DGKI: variants seen among roughly 807,000 people sequenced by gnomAD.
The protein encoded by DGKI is DAG kinase iota.
DGKI carries 55 observed loss-of-function variants against 147.5 expected under a neutral mutation model. The ratio of observed to expected loss-of-function variants is 0.37; its 90% confidence interval spans 0.30 to 0.47. The LOEUF (loss-of-function observed/expected upper bound fraction) is 0.47, where lower values mean the gene tolerates loss of function less well. Ranked by LOEUF, DGKI falls within the 20% of genes least tolerant of loss-of-function variation. The pLI, the probability that DGKI is intolerant of heterozygous loss-of-function variation, is 1.00. For synonymous variants in DGKI, 469 were observed against 477.1 expected (o/e 0.98, Z 0.22); for missense variants, 1,007 against 1,323.8 (o/e 0.76, Z 3.71).
At chr7:137,792,346 C>G (rs1326204736) in intron 1 of DGKI, among the ~76,000 whole-genome samples, 1 of 152,134 alleles carries the variant, frequency 6.6e-6, no homozygotes, top group Non-Finnish European at 1.5e-5. Flanking sequence ...CAAAATGTGA[C>G]CCTATAATCA....
intron 20 of DGKI, among the ~76,000 whole-genome samples, chr7:137,530,553 G>A (rs1817304472): frequency 6.6e-6 from 1 of 152,134 alleles, no homozygotes; most frequent in Admixed American, 6.6e-5. Flanking sequence ...TCAAGGACAG[G>A]ATGCCCAACT....
intron 1 of DGKI, among the ~76,000 whole-genome samples, chr7:137,705,595 CAA>C (rs918568271): frequency 1.3e-5 from 2 of 151,980 alleles, no homozygotes; most frequent in Non-Finnish European, 1.5e-5. Context: ...GGAAGGCACA[CAA>C]GTTAACTCTC....
chr7:137,823,413 C>T (rs1474842646), intron 1 of DGKI, among the ~76,000 whole-genome samples: 1 of 152,156 alleles, frequency 6.6e-6, no homozygotes, highest in Non-Finnish European at 1.5e-5. Flanking sequence ...TATTCTCAGA[C>T]ATAAAAGGAC....
At chr7:137,817,704 A>G (rs1003593124) in intron 1 of DGKI, among the ~76,000 whole-genome samples, 1 of 152,246 alleles carries the variant, frequency 6.6e-6, no homozygotes, top group African/African-American at 2.4e-5. Context: ...TGGAAAATCA[A>G]TCTGCAGATA....
chr7:137,726,895 G>A (rs146243259), intron 1 of DGKI, among the ~76,000 whole-genome samples: 1 of 152,084 alleles, frequency 6.6e-6, no homozygotes, highest in African/African-American at 2.4e-5. Flanking sequence ...AAACTTTTAT[G>A]ACTTTATGGC....
chr7:137,737,983 C>CTTTACCGTTCTAA (rs1795072504), intron 1 of DGKI, among the ~76,000 whole-genome samples: 1 of 152,132 alleles, frequency 6.6e-6, no homozygotes, highest in Admixed American at 6.5e-5. Context: ...AGGGATAAGA[C>CTTTACCGTTCTAA]AGAAACAGTC....
chr7:137,730,722 A>G (rs1271549838), intron 1 of DGKI, among the ~76,000 whole-genome samples: 1 of 152,050 alleles, frequency 6.6e-6, no homozygotes, highest in African/African-American at 2.4e-5. Flanking sequence ...TCACCCCGCA[A>G]AATGTCCTTG....
chr7:137,467,597 A>T (rs1814708783), intron 24 of DGKI, among the ~76,000 whole-genome samples: 1 of 152,248 alleles, frequency 6.6e-6, no homozygotes, highest in South Asian at 2.1e-4. Flanking sequence ...AAGCCAAAAC[A>T]GCAAAAAAAT....
intron 1 of DGKI, among the ~76,000 whole-genome samples, chr7:137,806,117 G>A (rs781657127): frequency 2.6e-5 from 4 of 152,132 alleles, no homozygotes; most frequent in African/African-American, 7.2e-5. Flanking sequence ...CTTCTTTAGC[G>A]TCTGTTTGGT....
chr7:137,469,596 C>G lies in DGKI; in HGVS notation c.2397G>C (p.Arg799Ser). 6.2e-7 allele frequency: 1 copy of G among 1,613,936 alleles called. No homozygotes were observed. Among genetic ancestry groups the G allele is most frequent in the Non-Finnish European group, 8.5e-7 (1 of 1,179,938 alleles). The stretch of plus-strand genomic sequence containing the variant: ...GAGAGAGCCTCTGTGCTGAGAGAGC[C>G]CTGGGGAAGGAGGTTTCATGGTCCT... ...HYQDHETSFP[R>S]ALSAQRLSPR... The change falls in exon 24 of 33, where the codon AGG (arginine) becomes AGC (serine). Residue 799 changes from arginine (R) to serine (S), a missense_variant. By Grantham distance (110) the Arg-to-Ser change is moderately radical. Around this residue, in one of 5 missense-constraint regions of DGKI, gnomAD observed 385 missense variants for 445.2 expected, o/e 0.86. Coordinates refer to ENST00000614521, the MANE Select transcript of DGKI (RefSeq NM_001321708.2).
At chr7:137,585,076 G>T in intron 14 of DGKI, 133 bp downstream of exon 14, 1 of 1,012,372 alleles carries the variant, frequency 9.9e-7, no homozygotes, top group Non-Finnish European at 1.5e-6. Context: ...AGCCCCAGTA[G>T]CCATCAACTC....
chr7:137,452,599 T>C (rs922464306), intron 27 of DGKI, among the ~76,000 whole-genome samples: 5 of 152,192 alleles, frequency 3.3e-5, no homozygotes, highest in Non-Finnish European at 5.9e-5. Context: ...ATGCCTGTCT[T>C]TCCTCTTTAC....
chr7:137,664,706 C>A (rs773948721), intron 3 of DGKI, among the ~76,000 whole-genome samples: 12 of 152,174 alleles, frequency 7.9e-5, no homozygotes, highest in Non-Finnish European at 1.0e-4. Flanking sequence ...ACAGACAGAA[C>A]CAGGGATTAC....
In DGKI at chr7:137,846,850, C is replaced by T. The variant is rs1186942770; in HGVS notation, c.13G>A (p.Gly5Arg). MDAA[G>R]RGCHLLPLPA... is the part of the protein sequence containing the mutation. ...AGGGGCAGCAAATGGCAGCCCCTTC[C>T]CGCAGCATCCATCCGCGGCTGCACC... Residue 5 changes from glycine to arginine, a missense_variant, in exon 1 of 33, where the codon GGA (glycine) becomes AGA (arginine). Transcript: ENST00000614521. The surrounding 1 kb of genome is among the most constrained non-coding windows in gnomAD (Gnocchi z 4.0). The T allele has an allele frequency of 1.3e-5, 15 of 1,154,570 alleles. No homozygotes were observed. The highest frequency in any genetic ancestry group is 1.6e-5 in the Non-Finnish European group (15 of 937,644). The allele number at this position is 1,154,570 out of a possible 1,614,324, so 71.5% of individuals were successfully genotyped here.
At chr7:137,440,123 G>C (rs1813439575) in intron 28 of DGKI, among the ~76,000 whole-genome samples, 1 of 152,128 alleles carries the variant, frequency 6.6e-6, no homozygotes, top group Non-Finnish European at 1.5e-5. Flanking sequence ...GATGGCTCCA[G>C]GAGCAATTTA....
rs569050863 is a variant in DGKI at position 137,571,951 on chromosome 7, G to A, written c.1836-665C>T. On this transcript the variant is annotated intron_variant, in intron 18 of 32. Transcript: ENST00000614521. ...TAAACAATGCTTTCTGAGAATCAAG[G>A]CCTTCTACTTCAATTAAGCTGTAAA... is the stretch of plus-strand genomic sequence containing the variant. Among the ~76,000 whole-genome samples the A allele has an allele frequency of 2.0e-5, 3 of 152,276 alleles. No individual in the cohort carries two copies. In the East Asian group the frequency reaches 5.8e-4, roughly 29 times the overall value.
At chr7:137,773,081 TGG>T (rs1563191396) in intron 1 of DGKI, among the ~76,000 whole-genome samples, 2 of 152,220 alleles carry the variant, frequency 1.3e-5, no homozygotes, top group Non-Finnish European at 2.9e-5. Flanking sequence ...AAGGGACCCA[TGG>T]GTCAATTACA....
intron 1 of DGKI, among the ~76,000 whole-genome samples, chr7:137,818,601 C>T (rs958607634): frequency 6.6e-6 from 1 of 152,132 alleles, no homozygotes; most frequent in South Asian, 2.1e-4. Context: ...GCCACCATGC[C>T]CGGCTAATTT....
chr7:137,655,243 G>C (rs554259280), intron 4 of DGKI, among the ~76,000 whole-genome samples: 181 of 149,864 alleles, frequency 1.2e-3, no homozygotes, highest in Non-Finnish European at 1.8e-3. Context: ...CTGTCACCCA[G>C]TCTGGAGTGC....
Sources: allele counts gnomAD v4.1 joint callset (sites outside exome capture counted in the v4.1 genomes callset), GRCh38; gene constraint gnomAD v4.1.1; regional missense constraint gnomAD v4.1.1; non-coding constraint Gnocchi (gnomAD v3.1); transcripts MANE v1.5; gene names NCBI Gene and HGNC (gene_info 2026-07-23, HGNC 2026-07-21).